The following LUZP2 variants were observed in gnomAD, a reference collection of about 807,000 sequenced individuals.
The protein encoded by LUZP2 is leucine zipper protein 2.
A neutral mutation model predicts 51.6 loss-of-function variants in LUZP2; 52 were observed. The ratio of observed to expected loss-of-function variants is 1.01; its 90% CI spans 0.81 to 1.27. LUZP2 has a LOEUF of 1.27. Ranked by LOEUF, LUZP2 falls within the 50% of genes most tolerant of loss-of-function variation. The pLI, the probability that LUZP2 is intolerant of heterozygous loss-of-function variation, is 0.00. For missense variants in LUZP2, 436 were observed against 395.4 expected (o/e 1.10, Z -0.87); for synonymous variants, 154 against 137.3 (o/e 1.12, Z -0.85).
chr11:24,653,517 G>A (rs1855702412), intron 1 of LUZP2, among the ~76,000 whole-genome samples: 1 of 152,104 alleles, frequency 6.6e-6, no homozygotes, highest in African/African-American at 2.4e-5. Flanking sequence ...ATATAAGTCC[G>A]AATTCAGTGA....
intron 1 of LUZP2, among the ~76,000 whole-genome samples, chr11:24,707,387 A>T (rs4313588): frequency 0.11 from 16,404 of 151,852 alleles, 959 homozygotes; most frequent in South Asian, 0.14. Context: ...CAGTCTTAAA[A>T]ATATCATGTG....
rs948984684 is a variant in LUZP2, at chr11:24,625,733, C to T, written c.63-103436C>T. On this transcript the variant is annotated intron_variant, in intron 1 of 11. Transcript: ENST00000336930. ...AAAAAAAAAAATCAAAGTTTTCCAA[C>T]TCCAGAAACCAGAATCACAGCCTTC... Among the ~76,000 whole-genome samples the T allele has an allele frequency of 4.0e-5, 6 of 151,208 alleles. No homozygotes were observed. The South Asian group carries it at 8.3e-4, about 21-fold the overall frequency.
chr11:24,552,765 G>A (rs1851757657), intron 1 of LUZP2, among the ~76,000 whole-genome samples: 2 of 151,722 alleles, frequency 1.3e-5, no homozygotes, highest in South Asian at 4.1e-4. Flanking sequence ...AGCCCTCTGG[G>A]TAAACATTTA....
intron 1 of LUZP2, among the ~76,000 whole-genome samples, chr11:24,635,836 T>C (rs1855083459): frequency 6.6e-6 from 1 of 152,074 alleles, no homozygotes; most frequent in Non-Finnish European, 1.5e-5. Context: ...CCCACAGCAA[T>C]ACTTTACTTG....
chr11:24,642,335 T>C (rs1454812416), intron 1 of LUZP2, among the ~76,000 whole-genome samples: 1 of 151,840 alleles, frequency 6.6e-6, no homozygotes, highest in Admixed American at 6.6e-5. Context: ...ATATTAAGGT[T>C]AACTCTTTAC....
chr11:24,912,434 T>C (rs953553082), intron 6 of LUZP2, among the ~76,000 whole-genome samples: 8 of 152,098 alleles, frequency 5.3e-5, no homozygotes, highest in African/African-American at 1.9e-4. Flanking sequence ...ATCATACTTA[T>C]AGCATTGAAC....
intron 5 of LUZP2, among the ~76,000 whole-genome samples, chr11:24,788,532 T>C (rs1469683311): frequency 6.6e-6 from 1 of 152,130 alleles, no homozygotes; most frequent in East Asian, 1.9e-4. Flanking sequence ...AAACTGAAAA[T>C]TCTGCCTTGC....
intron 1 of LUZP2, among the ~76,000 whole-genome samples, chr11:24,530,175 A>C (rs1011528325): frequency 6.0e-5 from 9 of 150,850 alleles, no homozygotes; most frequent in African/African-American, 1.5e-4. Context: ...TAAAATACCC[A>C]AAAATTTTAA....
At chr11:24,995,485 T>C (rs1856465103) in intron 9 of LUZP2, among the ~76,000 whole-genome samples, 1 of 152,216 alleles carries the variant, frequency 6.6e-6, no homozygotes, top group Admixed American at 6.5e-5. Flanking sequence ...TTATCATTTC[T>C]GGACTCATCT....
At chr11:24,608,322 C>A (rs1210381982) in intron 1 of LUZP2, among the ~76,000 whole-genome samples, 1 of 152,082 alleles carries the variant, frequency 6.6e-6, no homozygotes, top group African/African-American at 2.4e-5. Context: ...CACAGAAGGT[C>A]ATCAGACACT....
chr11:24,915,943 CT>C (rs1853776326), intron 7 of LUZP2, among the ~76,000 whole-genome samples: 1 of 152,082 alleles, frequency 6.6e-6, no homozygotes, highest in Non-Finnish European at 1.5e-5. Context: ...ATTTCACATA[CT>C]TTCCCCTTAG....
chr11:24,918,608 C>T (rs982203004), intron 7 of LUZP2, among the ~76,000 whole-genome samples: 2 of 151,040 alleles, frequency 1.3e-5, no homozygotes, highest in African/African-American at 4.9e-5. Context: ...CAAAATCATG[C>T]TTTTTTTAGA....
At chr11:24,750,246 T>A (rs989375406) in intron 4 of LUZP2, among the ~76,000 whole-genome samples, 3 of 152,188 alleles carry the variant, frequency 2.0e-5, no homozygotes, top group African/African-American at 7.2e-5. Flanking sequence ...TCTTAAAGAC[T>A]CCACAGAGAT....
intron 4 of LUZP2, among the ~76,000 whole-genome samples, chr11:24,751,931 C>T (rs1217064876): frequency 6.6e-6 from 1 of 151,900 alleles, no homozygotes; most frequent in African/African-American, 2.4e-5. Flanking sequence ...AAAAAAACTA[C>T]TTGATAATGT....
intron 10 of LUZP2, among the ~76,000 whole-genome samples, chr11:25,056,215 A>T (rs1258177353): frequency 6.6e-6 from 1 of 152,200 alleles, no homozygotes; most frequent in Non-Finnish European, 1.5e-5. Flanking sequence ...TTTTAGTCAA[A>T]TATAAAAATG....
intron 1 of LUZP2, among the ~76,000 whole-genome samples, chr11:24,637,496 C>G (rs1026569668): frequency 6.6e-6 from 1 of 151,750 alleles, no homozygotes; most frequent in Non-Finnish European, 1.5e-5. Context: ...CCTGTGGGGT[C>G]GGGCAGAATA....
At chr11:25,030,783 T>A (rs1344436380) in intron 9 of LUZP2, among the ~76,000 whole-genome samples, 3 of 148,000 alleles carry the variant, frequency 2.0e-5, no homozygotes, top group Non-Finnish European at 4.5e-5. Context: ...CCTATTGCTT[T>A]ATAAGTATTA....
chr11:24,531,844 A>C (rs986274544), intron 1 of LUZP2, among the ~76,000 whole-genome samples: 2 of 151,030 alleles, frequency 1.3e-5, no homozygotes, highest in South Asian at 4.2e-4. Context: ...AAAACTTAGA[A>C]GTCGTCCTTG....
chr11:24,807,008 C>G (rs1433832534), intron 5 of LUZP2, among the ~76,000 whole-genome samples: 1 of 114,478 alleles, frequency 8.7e-6, no homozygotes, highest in Admixed American at 1.1e-4. Context: ...TTTACTATCC[C>G]TCAAAGAAAA....
Sources: allele counts gnomAD v4.1 joint callset (sites outside exome capture counted in the v4.1 genomes callset), GRCh38; gene constraint gnomAD v4.1.1; transcripts MANE v1.5; gene names NCBI Gene and HGNC (gene_info 2026-07-23, HGNC 2026-07-21).